The following AFG2A variants were observed in gnomAD, a reference collection of about 807,000 sequenced individuals.
AFG2A encodes the protein ATPase family gene 2 protein homolog A.
the AFG2A span, among the ~76,000 whole-genome samples, chr4:123,266,120 C>G: frequency 2.6e-4 from 40 of 152,068 alleles, no homozygotes; most frequent in Admixed American, 1.6e-3. Context: ...AGGCTGATTT[C>G]TAATAACAAC....
chr4:123,047,970 G>T, the AFG2A span, among the ~76,000 whole-genome samples: 23 of 152,154 alleles, frequency 1.5e-4, no homozygotes, highest in Admixed American at 5.2e-4. Context: ...GAGTTGCTGG[G>T]ATTACAGGAG....
chr4:123,008,602 G>T, the AFG2A span, among the ~76,000 whole-genome samples: 1 of 152,258 alleles, frequency 6.6e-6, no homozygotes, highest in South Asian at 2.1e-4. Flanking sequence ...ATTGCTGTCT[G>T]AATTTCATGT....
At chr4:123,254,102 C>A in the AFG2A span, among the ~76,000 whole-genome samples, 7 of 152,124 alleles carry the variant, frequency 4.6e-5, no homozygotes. Flanking sequence ...ATTTTGGATA[C>A]AAGCCCTTTG....
chr4:122,950,784 G>A, the AFG2A span, among the ~76,000 whole-genome samples: 1 of 152,318 alleles, frequency 6.6e-6, no homozygotes, highest in South Asian at 2.1e-4. Flanking sequence ...TCCAATAGGG[G>A]CAAAGATCCT....
the AFG2A span, among the ~76,000 whole-genome samples, chr4:123,087,062 C>T: frequency 1.3e-5 from 2 of 152,252 alleles, no homozygotes; most frequent in African/African-American, 2.4e-5. Flanking sequence ...TTTGACTTTG[C>T]TTTTGATGTG....
At chr4:123,273,860 C>A in the AFG2A span, among the ~76,000 whole-genome samples, 4 of 152,114 alleles carry the variant, frequency 2.6e-5, no homozygotes, top group African/African-American at 9.7e-5. Context: ...ATCCAAAATT[C>A]AAATACTTCT....
the AFG2A span, among the ~76,000 whole-genome samples, chr4:122,953,210 C>T: frequency 6.6e-5 from 10 of 152,296 alleles, no homozygotes; most frequent in African/African-American, 2.4e-4. Flanking sequence ...AACTCCCCAG[C>T]AGTTGTTTGG....
chr4:123,220,881 TTA>T, the AFG2A span, among the ~76,000 whole-genome samples: 1 of 151,518 alleles, frequency 6.6e-6, no homozygotes, highest in East Asian at 1.9e-4. Context: ...GCACATGTTT[TTA>T]TGAGGTTAAT....
the AFG2A span, among the ~76,000 whole-genome samples, chr4:123,201,142 G>T: frequency 6.6e-6 from 1 of 152,156 alleles, no homozygotes; most frequent in Non-Finnish European, 1.5e-5. Context: ...ATTTAAGAGA[G>T]TGAATTTAAA....
chr4:123,286,877 A>G, the AFG2A span, among the ~76,000 whole-genome samples: 1 of 151,832 alleles, frequency 6.6e-6, no homozygotes, highest in East Asian at 1.9e-4. Context: ...AAAAAAGTAT[A>G]TGTTCACATG....
the AFG2A span, among the ~76,000 whole-genome samples, chr4:123,306,696 C>T: frequency 6.6e-6 from 1 of 152,132 alleles, no homozygotes; most frequent in Admixed American, 6.5e-5. Context: ...GCTGGGATTA[C>T]AGACATGCAC....
At chr4:123,015,519 AG>A in the AFG2A span, among the ~76,000 whole-genome samples, 9 of 151,916 alleles carry the variant, frequency 5.9e-5, no homozygotes, top group African/African-American at 1.9e-4. Flanking sequence ...ACCGATCAAC[AG>A]GATCACAAGG....
the AFG2A span, chr4:123,313,788 T>A: frequency 1.7e-6 from 2 of 1,146,688 alleles, no homozygotes; most frequent in Non-Finnish European, 2.4e-6. Context: ...GGCATTTAGT[T>A]GTAGAAGGTA....
chr4:123,148,865 C>A, the AFG2A span, among the ~76,000 whole-genome samples: 1 of 150,702 alleles, frequency 6.6e-6, no homozygotes, highest in Non-Finnish European at 1.5e-5. Context: ...GTCTCCCGGG[C>A]TCAAGCAATT....
the AFG2A span, among the ~76,000 whole-genome samples, chr4:123,061,571 A>G: frequency 6.6e-6 from 1 of 152,104 alleles, no homozygotes; most frequent in Non-Finnish European, 1.5e-5. Flanking sequence ...TGTGGGGGAA[A>G]CCACCTCCAT....
At chr4:123,084,918 A>G in the AFG2A span, among the ~76,000 whole-genome samples, 5 of 152,100 alleles carry the variant, frequency 3.3e-5, no homozygotes, top group Non-Finnish European at 7.4e-5. Flanking sequence ...GGCGTGAGCT[A>G]CTGCACCCGG....
the AFG2A span, among the ~76,000 whole-genome samples, chr4:123,173,367 T>G: frequency 7.3e-6 from 1 of 136,278 alleles, no homozygotes; most frequent in East Asian, 2.1e-4. Context: ...TTTTTTTTTT[T>G]TTTTTTGAGT....
the AFG2A span, among the ~76,000 whole-genome samples, chr4:123,120,813 G>A: frequency 1.3e-5 from 2 of 152,000 alleles, no homozygotes; most frequent in African/African-American, 4.8e-5. Context: ...CATCATACTT[G>A]ATAATAAACA....
chr4:123,094,167 T>C, the AFG2A span, among the ~76,000 whole-genome samples: 1 of 152,208 alleles, frequency 6.6e-6, no homozygotes, highest in East Asian at 1.9e-4. Flanking sequence ...AGGGGATCTT[T>C]CTTTTTAAGT....
Sources: gnomAD v4.1 joint callset for allele counts (sites outside exome capture counted in the v4.1 genomes callset) on GRCh38, gnomAD v4.1.1 for gene constraint, MANE v1.5 for transcripts, NCBI Gene and HGNC (gene_info 2026-07-23, HGNC 2026-07-21) for gene names.